Variants in TUSC3 observed in about 807,000 individuals in gnomAD.
The protein encoded by TUSC3 is tumor suppressor candidate 3, also known as dolichyl-diphosphooligosaccharide--protein glycosyltransferase subunit TUSC3.
Under a neutral mutation model 44.8 loss-of-function variants are expected in TUSC3, and 45 were observed. That is an observed-to-expected ratio of 1.00 (90% CI 0.79 to 1.29). The LOEUF (loss-of-function observed/expected upper bound fraction) is 1.29, where lower values mean the gene tolerates loss of function less well. TUSC3 is among the 50% of genes most tolerant of loss of function. The pLI is 0.00. For synonymous variants in TUSC3, 212 were observed against 152.9 expected, an observed-to-expected ratio of 1.39 and a Z score of -2.85; for missense variants, 519 against 437.9, an observed-to-expected ratio of 1.19 and a Z score of -1.65.
intron 4 of TUSC3, among the ~76,000 whole-genome samples, chr8:15,660,181 A>G (rs939004281): frequency 7.2e-5 from 11 of 152,066 alleles, no homozygotes; most frequent in Admixed American, 3.9e-4. Flanking sequence ...ATTTTTATCC[A>G]TAGAAATTTT....
chr8:15,740,050 A>C (rs1257069948), intron 7 of TUSC3, among the ~76,000 whole-genome samples: 1 of 152,192 alleles, frequency 6.6e-6, no homozygotes, highest in Non-Finnish European at 1.5e-5. Flanking sequence ...GTACATTGTA[A>C]AACGTATACA....
chr8:15,653,948 G>A (rs1270839345), intron 3 of TUSC3, among the ~76,000 whole-genome samples: 1 of 152,128 alleles, frequency 6.6e-6, no homozygotes, highest in Non-Finnish European at 1.5e-5. Flanking sequence ...TCAATTATAT[G>A]TGATTCCCAT....
rs1370762664 is a variant in TUSC3, at chr8:15,540,529, G to C, written c.99G>C (p.Leu33=). The part of the protein sequence containing the change: ...GSFPFLLLLL[L]LCIQLGGGQK... Reference sequence around the variant, plus strand: ...TTCCCTTCCTTCTCCTGCTGCTGCTGCTCTGCATCCAGCTCGGGGGAGGAC... The same window carrying C: ...TTCCCTTCCTTCTCCTGCTGCTGCTCCTCTGCATCCAGCTCGGGGGAGGAC... The change falls in exon 1 of 11, where the codon CTG becomes CTC. Residue 33 remains leucine (L), a synonymous_variant. Transcript: ENST00000503731. The C allele has an allele frequency of 6.2e-7, 1 of 1,604,824 alleles. No homozygotes were observed. The highest frequency in any genetic ancestry group is 8.5e-7 in the Non-Finnish European group (1 of 1,176,278).
At chr8:15,649,720 C>G in intron 2 of TUSC3, among the ~76,000 whole-genome samples, 1 of 151,990 alleles carries the variant, frequency 6.6e-6, no homozygotes. Flanking sequence ...CTTTGAGAGT[C>G]TAACTTCCTC....
intron 1 of TUSC3, among the ~76,000 whole-genome samples, chr8:15,557,821 A>G (rs1433734341): frequency 3.2e-4 from 42 of 132,266 alleles, no homozygotes; most frequent in Non-Finnish European, 5.3e-4. Flanking sequence ...TTGTTGGTGT[A>G]TAAGAATGCT....
intron 6 of TUSC3, among the ~76,000 whole-genome samples, chr8:15,705,072 T>C (rs1242863853): frequency 1.3e-5 from 2 of 152,060 alleles, no homozygotes; most frequent in East Asian, 3.9e-4. Flanking sequence ...TCTTTGTATT[T>C]TCATGACCCA....
intron 1 of TUSC3, among the ~76,000 whole-genome samples, chr8:15,459,295 C>T (rs541161885): frequency 1.3e-5 from 2 of 152,198 alleles, no homozygotes; most frequent in Admixed American, 1.3e-4. Flanking sequence ...TCTAAAGTGA[C>T]AATAGAAGTT....
intron 9 of TUSC3, among the ~76,000 whole-genome samples, chr8:15,751,157 C>G (rs1469245221): frequency 2.6e-5 from 4 of 151,988 alleles, no homozygotes; most frequent in Non-Finnish European, 5.9e-5. Flanking sequence ...CTCTGTTAGG[C>G]AACTTTAGAT....
intron 6 of TUSC3, among the ~76,000 whole-genome samples, chr8:15,699,887 T>C (rs2129194734): frequency 6.6e-6 from 1 of 152,304 alleles, no homozygotes; most frequent in South Asian, 2.1e-4. Context: ...GGAAGAATTA[T>C]ATAAGCATCA....
intron 2 of TUSC3, among the ~76,000 whole-genome samples, chr8:15,639,525 AT>A (rs1806263792): frequency 6.6e-6 from 1 of 152,376 alleles, no homozygotes; most frequent in African/African-American, 2.4e-5. Flanking sequence ...AAATGAAAAA[AT>A]GACTTTTAAA....
chr8:15,547,308 A>G (rs932707346), intron 1 of TUSC3, among the ~76,000 whole-genome samples: 1 of 151,566 alleles, frequency 6.6e-6, no homozygotes, highest in Non-Finnish European at 1.5e-5. Context: ...TTGTGATTTG[A>G]CTCAACTTTT....
At chr8:15,781,661 C>A in the TUSC3 span, among the ~76,000 whole-genome samples, 2 of 152,120 alleles carry the variant, frequency 1.3e-5, no homozygotes, top group African/African-American at 4.8e-5. Context: ...AATAAAAAGT[C>A]TTCCATCACA....
intron 2 of TUSC3, among the ~76,000 whole-genome samples, chr8:15,501,211 T>A (rs533215298): frequency 6.6e-6 from 1 of 152,296 alleles, no homozygotes; most frequent in South Asian, 2.1e-4. Context: ...CTTTTGAGGA[T>A]TTGCTAACCA....
chr8:15,650,773 A>G lies in TUSC3; in HGVS notation c.385A>G (p.Ser129Gly). ...TGCTTTTTGTAACAAGCTCTTCTTC[A>G]GTATGGTGGACTATGATGAGGGGAC... ...SSAFCNKLFFSMVDYDEGTDV... is the reference protein window; with the variant it reads ...SSAFCNKLFFGMVDYDEGTDV... The change falls in exon 3 of 11, where the codon AGT becomes GGT. Residue 129 changes from serine (S) to glycine (G), a missense_variant. Physicochemically the swap from Ser to Gly is moderately conservative, Grantham distance 56. Transcript: ENST00000503731. The G allele has an allele frequency of 1.2e-6, 2 of 1,614,168 alleles. No individual in the cohort carries two copies. The highest frequency in any genetic ancestry group is 1.7e-6 in the Non-Finnish European group (2 of 1,180,012).
At chr8:15,774,244 A>C in the TUSC3 span, among the ~76,000 whole-genome samples, 5 of 123,044 alleles carry the variant, frequency 4.1e-5, no homozygotes, top group Non-Finnish European at 5.7e-5. Flanking sequence ...TGTCTCCTCA[A>C]AAAAGATAAG....
At chr8:15,851,100 C>G in the TUSC3 span, among the ~76,000 whole-genome samples, 1 of 152,178 alleles carries the variant, frequency 6.6e-6, no homozygotes, top group Non-Finnish European at 1.5e-5. Flanking sequence ...AAGGTAACAC[C>G]TTAATGGGAG....
intron 1 of TUSC3, among the ~76,000 whole-genome samples, chr8:15,613,067 AT>A (rs1804830737): frequency 2.0e-5 from 3 of 147,450 alleles, no homozygotes. Context: ...TATATATGAT[AT>A]ATATATATAT....
chr8:15,559,681 G>A lies in TUSC3; in HGVS notation c.138+19113G>A, dbSNP rs539694515. On this transcript the variant is annotated intron_variant, in intron 1 of 10. Coordinates refer to ENST00000503731, the MANE Select transcript of TUSC3 (RefSeq NM_006765.4). ...CTCAGGACTTGCTTTATGAATCTTG[G>A]TGCTCCTGTATTGGGTGCATATATA... Among the ~76,000 whole-genome samples, 27 of 134,896 alleles carry A rather than the reference G, an allele frequency of 2.0e-4. 2 individuals carry two copies. The highest frequency in any genetic ancestry group is 4.4e-4 in the African/African-American group (16 of 36,756). The allele number at this position is 134,896 out of a possible 152,430, so 88.5% of individuals were successfully genotyped here. A position where few individuals can be genotyped will look rare whatever the true frequency, so the allele number is the denominator to read the frequency against.
intron 2 of TUSC3, among the ~76,000 whole-genome samples, chr8:15,641,103 G>C (rs536667145): frequency 3.9e-5 from 6 of 152,212 alleles, no homozygotes; most frequent in African/African-American, 1.2e-4. Flanking sequence ...GCTCACACCT[G>C]TAATCCCAGC....
Sources: allele counts gnomAD v4.1 joint callset (sites outside exome capture counted in the v4.1 genomes callset), GRCh38; gene constraint gnomAD v4.1.1; transcripts MANE v1.5; gene names NCBI Gene and HGNC (gene_info 2026-07-23, HGNC 2026-07-21).